The following ERCC6 variants were observed in gnomAD, a reference collection of about 807,000 sequenced individuals.
ERCC6 encodes the protein ERCC excision repair 6, chromatin remodeling factor, also known as DNA excision repair protein ERCC-6.
Under a neutral mutation model 158.7 loss-of-function variants are expected in ERCC6, and 116 were observed. That is an observed-to-expected ratio of 0.73 (90% CI 0.63 to 0.85). ERCC6 has a LOEUF of 0.85. Among genes scored for constraint, ERCC6 ranks in the 40% least tolerant of loss-of-function variants. The pLI is 0.00. For missense variants in ERCC6, 1,698 were observed against 1,799.4 expected (o/e 0.94, Z 1.02); for synonymous variants, 678 against 659.3 (o/e 1.03, Z -0.43).
At position 49,526,115 on chromosome 10, in the gene ERCC6, TTTTATA is replaced by T. The variant is rs1405864818; in HGVS notation, c.653-1344_653-1339del. Among the ~76,000 whole-genome samples, 114 of 105,402 alleles carry T rather than the reference TTTTATA, an allele frequency of 1.1e-3. 2 individuals are homozygous for T. Among genetic ancestry groups the T allele is most frequent in the African/African-American group, 4.4e-3 (107 of 24,458 alleles). The allele number at this position is 105,402 out of a possible 152,430, so 69.1% of individuals were successfully genotyped here. ...TTTATATATTTATATATTTATATATTTTTATATATATATATATATATATATATATAT... is the reference window on the plus strand; with the variant it reads ...TTTATATATTTATATATTTATATATTTATATATATATATATATATATATAT... On this transcript the variant is annotated intron_variant, in intron 4 of 20. Coordinates refer to ENST00000355832, the MANE Select transcript of ERCC6 (RefSeq NM_000124.4).
At position 49,472,937 on chromosome 10, in the gene ERCC6, G is replaced by A. The variant is rs538758429; in HGVS notation, c.2801C>T (p.Pro934Leu). ...CGTGTCCGTGCTTGGGTTCCAGTCT[G>A]GGTCATAGATGACAACTCTGTTTGC... ...TGANRVVIYD[P>L]DWNPSTDTQA... is the part of the protein sequence containing the mutation. Residue 934 changes from proline (P) to leucine (L), a missense_variant, in exon 15 of 21, where the codon CCA becomes CTA. By Grantham distance (98) the Pro-to-Leu change is moderately conservative. Coordinates refer to ENST00000355832, the MANE Select transcript of ERCC6 (RefSeq NM_000124.4). 4.3e-6 allele frequency: 7 copies of A among 1,613,764 alleles called. No individual in the cohort carries two copies. The Admixed American group carries it at 8.3e-5, about 19-fold the overall frequency.
rs765902760 is a variant in ERCC6, at chr10:49,459,067, C to T, written c.4230G>A (p.Gly1410=). ...ILPERLESES[G]HLQEASALLP... ...GCAGGGCAGAAGCTTCCTGCAGGTG[C>T]CCGCTTTCACTTTCTAAACGCTCTG... The change falls in exon 21 of 21, where the codon GGG becomes GGA. Residue 1410 remains glycine, a synonymous_variant. Coordinates refer to ENST00000355832, the MANE Select transcript of ERCC6 (RefSeq NM_000124.4). 2 of 1,614,060 alleles carry T rather than the reference C, an allele frequency of 1.2e-6. No homozygotes were observed. The highest frequency in any genetic ancestry group is 1.3e-5 in the African/African-American group (1 of 74,916).
At chr10:49,494,252 T>G (rs1378413783) in intron 7 of ERCC6, among the ~76,000 whole-genome samples, 1 of 152,210 alleles carries the variant, frequency 6.6e-6, no homozygotes, top group Non-Finnish European at 1.5e-5. Flanking sequence ...ATGGGAATAA[T>G]AACAGTATTG....
intron 5 of ERCC6, among the ~76,000 whole-genome samples, chr10:49,509,825 T>A (rs1390819437): frequency 6.6e-6 from 1 of 152,052 alleles, no homozygotes; most frequent in Non-Finnish European, 1.5e-5. Context: ...AGAAAACAAA[T>A]AACTTTTTCA....
At chr10:49,462,087 G>A (rs181092827) in intron 18 of ERCC6, among the ~76,000 whole-genome samples, 1 of 152,218 alleles carries the variant, frequency 6.6e-6, no homozygotes, top group Admixed American at 6.5e-5. Flanking sequence ...TTCATGAACA[G>A]ATCAGAAAAC....
chr10:49,518,235 G>C (rs1043106863), intron 5 of ERCC6, among the ~76,000 whole-genome samples: 2 of 152,206 alleles, frequency 1.3e-5, no homozygotes, highest in Non-Finnish European at 2.9e-5. Flanking sequence ...GATAGGAATG[G>C]GACATTGGGT....
In ERCC6 at chr10:49,524,253, C is replaced by T. The variant is rs1353767509; in HGVS notation, c.1177G>A (p.Ala393Thr). The T allele has an allele frequency of 6.2e-7, 1 of 1,614,080 alleles. No homozygotes were observed. The highest frequency in any genetic ancestry group is 1.7e-5 in the Admixed American group (1 of 60,006). The change falls in exon 5 of 21, where the codon GCG becomes ACG. Residue 393 changes from alanine (A) to threonine (T), a missense_variant. Ala to Thr is a moderately conservative substitution (Grantham distance 58, BLOSUM62 0). Coordinates refer to ENST00000355832, the MANE Select transcript of ERCC6 (RefSeq NM_000124.4). ...EEDDEVEGAEADLSGDGTDYE... is the reference protein window; with the variant it reads ...EEDDEVEGAETDLSGDGTDYE... ...TCAGTACCATCTCCAGACAGGTCCG[C>T]CTCTGCCCCCTCCACCTCGTCATCT...
At chr10:49,440,488 C>A in the ERCC6 span, among the ~76,000 whole-genome samples, 1 of 152,114 alleles carries the variant, frequency 6.6e-6, no homozygotes, top group Non-Finnish European at 1.5e-5. Context: ...GGGGCACAGC[C>A]ACACCACATC....
intron 11 of ERCC6, among the ~76,000 whole-genome samples, 161 bp downstream of exon 11, chr10:49,478,193 G>C (rs995780183): frequency 2.0e-5 from 3 of 152,254 alleles, no homozygotes; most frequent in Non-Finnish European, 4.4e-5. Context: ...CTGTGGACTA[G>C]AGAAGAATCC....
In ERCC6 at chr10:49,538,091, G is replaced by A. The variant is rs143628801; in HGVS notation, c.-15+871C>T. Among the ~76,000 whole-genome samples, 290 of 152,328 alleles carry A rather than the reference G, an allele frequency of 1.9e-3. 1 individual carries two copies. Among genetic ancestry groups the A allele is most frequent in the African/African-American group, 6.7e-3 (279 of 41,576 alleles). ...TATTTTTAACTTTGAGTTAAGAAGAGCAGAGAAGGGCTCCGTTCATGGCCT... is the reference window on the plus strand; with the variant it reads ...TATTTTTAACTTTGAGTTAAGAAGAACAGAGAAGGGCTCCGTTCATGGCCT... On this transcript the variant is annotated intron_variant, in intron 1 of 20. Transcript: ENST00000355832.
the ERCC6 span, among the ~76,000 whole-genome samples, chr10:49,435,192 T>C: frequency 9.9e-5 from 15 of 152,166 alleles, no homozygotes; most frequent in African/African-American, 3.6e-4. Context: ...TTTCTAACAA[T>C]ATAGTCTTAA....
rs917539053 is a variant in ERCC6, at chr10:49,470,831, G to T, written c.3129C>A (p.Ala1043=). 6.2e-7 allele frequency: 1 copy of T among 1,614,160 alleles called. No individual in the cohort carries two copies. Among genetic ancestry groups the T allele is most frequent in the African/African-American group, 1.3e-5 (1 of 75,054 alleles). ...TTGGAACATCATGGTCTGCTCCAAA[G>T]GCTGGTTGAATCCTTCTTTTTAGAT... ...KCHLKRRIQP[A]FGADHDVPKR... The change falls in exon 18 of 21, where the codon GCC becomes GCA. Residue 1043 remains alanine, a synonymous_variant. Coordinates refer to ENST00000355832, the MANE Select transcript of ERCC6 (RefSeq NM_000124.4).
chr10:49,535,096 G>A (rs1210739750), intron 1 of ERCC6, among the ~76,000 whole-genome samples: 5 of 152,178 alleles, frequency 3.3e-5, no homozygotes, highest in Non-Finnish European at 7.3e-5. Flanking sequence ...TATAGGAGGT[G>A]CTCAATATCT....
intron 2 of ERCC6, 34 bp from the exon 3 acceptor site, chr10:49,530,874 C>CTGG: frequency 6.2e-7 from 1 of 1,609,268 alleles, no homozygotes; most frequent in East Asian, 2.2e-5. Flanking sequence ...ATTTTGCACT[C>CTGG]TGATAACATT....
At chr10:49,490,244 G>A (rs573370438) in intron 8 of ERCC6, among the ~76,000 whole-genome samples, 8 of 152,022 alleles carry the variant, frequency 5.3e-5, no homozygotes, top group African/African-American at 1.9e-4. Flanking sequence ...AGATAACATA[G>A]GATCAAAGGG....
chr10:49,503,576 T>C (rs1185334879), intron 6 of ERCC6: 1 of 152,044 alleles, frequency 6.6e-6, no homozygotes, highest in African/African-American at 2.4e-5. Flanking sequence ...ACACAGCTGG[T>C]AGATGATATA....
At chr10:49,449,955 C>T (rs1248227567), downstream of ERCC6, among the ~76,000 whole-genome samples, 2 of 152,086 alleles carry the variant, frequency 1.3e-5, no homozygotes, top group African/African-American at 4.8e-5. Context: ...TCACTACAAC[C>T]TTGACCTCCT....
chr10:49,525,740 T>C (rs1837301665), intron 4 of ERCC6, among the ~76,000 whole-genome samples: 1 of 146,090 alleles, frequency 6.8e-6, no homozygotes, highest in African/African-American at 2.5e-5. Context: ...AGAAAAAATG[T>C]ACTCATAAAC....
chr10:49,469,708 T>C (rs1850738581), intron 18 of ERCC6, among the ~76,000 whole-genome samples: 1 of 152,192 alleles, frequency 6.6e-6, no homozygotes, highest in African/African-American at 2.4e-5. Flanking sequence ...ATCTATATAC[T>C]CCATGGTCTT....
Sources: allele counts gnomAD v4.1 joint callset (sites outside exome capture counted in the v4.1 genomes callset), GRCh38; gene constraint gnomAD v4.1.1; transcripts MANE v1.5; gene names NCBI Gene and HGNC (gene_info 2026-07-23, HGNC 2026-07-21).